Variants in RMDN2 observed in about 807,000 individuals in gnomAD.
RMDN2 encodes the protein regulator of microtubule dynamics 2, also known as regulator of microtubule dynamics protein 2.
A neutral mutation model predicts 52.8 loss-of-function variants in RMDN2; 61 were observed. The ratio of observed to expected loss-of-function variants is 1.16; its 90% CI spans 0.94 to 1.43. The LOEUF is 1.43. Among genes scored for constraint, RMDN2 ranks in the 40% most tolerant of loss-of-function variants. The pLI is 0.00. For missense variants in RMDN2, 592 were observed against 475.3 expected (o/e 1.25, Z -2.28); for synonymous variants, 180 against 153.1 (o/e 1.18, Z -1.30).
intron 10 of RMDN2, among the ~76,000 whole-genome samples, chr2:38,010,596 A>G (rs1418214736): frequency 6.6e-6 from 1 of 152,204 alleles, no homozygotes; most frequent in African/African-American, 2.4e-5. Context: ...CCGATCTTCC[A>G]GGTGCCGTTT....
intron 10 of RMDN2, among the ~76,000 whole-genome samples, chr2:38,050,675 C>T (rs904703658): frequency 6.6e-6 from 1 of 152,144 alleles, no homozygotes; most frequent in Non-Finnish European, 1.5e-5. Context: ...CAATTCTGCA[C>T]GAACTTCCAC....
At chr2:37,997,337 A>G in intron 7 of RMDN2, 79 bp from the exon 8 acceptor site, 4 of 860,882 alleles carry the variant, frequency 4.6e-6, no homozygotes, top group South Asian at 4.0e-5. Flanking sequence ...CACATAACAC[A>G]CACACGTCTA....
chr2:38,015,199 C>T (rs1290272234), intron 10 of RMDN2, among the ~76,000 whole-genome samples: 11 of 152,156 alleles, frequency 7.2e-5, no homozygotes, highest in Non-Finnish European at 1.2e-4. Flanking sequence ...TGGCTTAGTG[C>T]TCAGATGGCC....
intron 4 of RMDN2, 55 bp downstream of exon 4, chr2:37,975,369 A>G: frequency 9.8e-7 from 1 of 1,021,826 alleles, no homozygotes; most frequent in African/African-American, 1.6e-5. Flanking sequence ...ATAGTAAATC[A>G]TGCAGCCGTA....
intron 2 of RMDN2, among the ~76,000 whole-genome samples, chr2:37,964,847 T>A (rs2125034886): frequency 6.6e-6 from 1 of 152,350 alleles, no homozygotes; most frequent in African/African-American, 2.4e-5. Context: ...ATTATTATTT[T>A]ATTTTTACTA....
chr2:37,978,777 C>CACAT (rs1553365663), intron 4 of RMDN2, among the ~76,000 whole-genome samples: 1 of 148,750 alleles, frequency 6.7e-6, no homozygotes, highest in Non-Finnish European at 1.5e-5. Flanking sequence ...GACCCTTTCT[C>CACAT]AGATAGATAG....
intron 8 of RMDN2, among the ~76,000 whole-genome samples, chr2:38,001,477 G>C (rs1676315042): frequency 6.6e-6 from 1 of 152,164 alleles, no homozygotes; most frequent in African/African-American, 2.4e-5. Context: ...GTTGTTAGTT[G>C]CCTGTCTGTG....
At chr2:37,965,137 T>C (rs1670862980) in intron 2 of RMDN2, among the ~76,000 whole-genome samples, 1 of 152,168 alleles carries the variant, frequency 6.6e-6, no homozygotes. Flanking sequence ...AATTAGTCTC[T>C]TTTGGACAGC....
At chr2:38,027,032 C>G (rs1217843834) in intron 10 of RMDN2, 3 of 152,094 alleles carry the variant, frequency 2.0e-5, no homozygotes, top group Non-Finnish European at 2.9e-5. Flanking sequence ...CTTGTTGAGA[C>G]TTGTTCTGTG....
chr2:37,949,435 A>G (rs887483334), intron 2 of RMDN2, among the ~76,000 whole-genome samples: 3 of 152,154 alleles, frequency 2.0e-5, no homozygotes, highest in Non-Finnish European at 4.4e-5. Context: ...CCCTGTGGCA[A>G]TGTGGGACAA....
intron 10 of RMDN2, among the ~76,000 whole-genome samples, chr2:38,047,023 G>A (rs1348527304): frequency 6.6e-6 from 1 of 151,472 alleles, no homozygotes; most frequent in Admixed American, 6.6e-5. Flanking sequence ...AGAAGAAAAT[G>A]GGAAGAAATA....
intron 8 of RMDN2, among the ~76,000 whole-genome samples, chr2:38,000,883 T>C (rs2125177400): frequency 6.6e-6 from 1 of 152,354 alleles, no homozygotes; most frequent in African/African-American, 2.4e-5. Context: ...TGTCATATGG[T>C]ATGTGCTTTT....
At chr2:38,024,647 G>C (rs1468834227) in intron 10 of RMDN2, among the ~76,000 whole-genome samples, 1 of 152,078 alleles carries the variant, frequency 6.6e-6, no homozygotes, top group Non-Finnish European at 1.5e-5. Flanking sequence ...TTTGTATATA[G>C]TTTGGAGTAT....
chr2:38,030,760 A>G (rs1260109590), intron 10 of RMDN2: 1 of 152,220 alleles, frequency 6.6e-6, no homozygotes. Context: ...AGATTTGCTG[A>G]AGGTCACACA....
chr2:37,922,335 A>G (rs1439384202), upstream of RMDN2, among the ~76,000 whole-genome samples: 1 of 152,036 alleles, frequency 6.6e-6, no homozygotes, highest in Non-Finnish European at 1.5e-5. Flanking sequence ...ATAGTTAACT[A>G]TATAGCATAT....
At chr2:37,967,663 C>T (rs543129430) in intron 2 of RMDN2, among the ~76,000 whole-genome samples, 39 of 152,350 alleles carry the variant, frequency 2.6e-4, no homozygotes, top group African/African-American at 8.2e-4. Flanking sequence ...TCAGAGTATT[C>T]TTCTCCACCA....
chr2:37,953,680 C>T (rs1485195608), intron 2 of RMDN2, among the ~76,000 whole-genome samples: 2 of 151,930 alleles, frequency 1.3e-5, no homozygotes, highest in Non-Finnish European at 2.9e-5. Context: ...TGTTCGAAAC[C>T]TTCCTTTCAG....
intron 10 of RMDN2, among the ~76,000 whole-genome samples, chr2:38,054,936 G>A (rs1429810866): frequency 1.3e-5 from 2 of 152,180 alleles, no homozygotes; most frequent in East Asian, 3.9e-4. Flanking sequence ...GTCCCACCAG[G>A]AAATTATTTG....
At chr2:38,022,054 C>T (rs1679423671), downstream of RMDN2, among the ~76,000 whole-genome samples, 1 of 152,122 alleles carries the variant, frequency 6.6e-6, no homozygotes, top group Non-Finnish European at 1.5e-5. Flanking sequence ...TTGTCACAGA[C>T]CTTTCTTAAC....
Sources: allele counts gnomAD v4.1 joint callset (sites outside exome capture counted in the v4.1 genomes callset), GRCh38; gene constraint gnomAD v4.1.1; transcripts MANE v1.5; gene names NCBI Gene and HGNC (gene_info 2026-07-23, HGNC 2026-07-21).